Variants in UGT2B7 observed in about 807,000 individuals in gnomAD.
UGT2B7 encodes the protein UDP-glucuronosyltransferase 2B7.
A neutral mutation model predicts 51.9 loss-of-function variants in UGT2B7; 51 were observed. The ratio of observed to expected loss-of-function variants is 0.98; its 90% confidence interval spans 0.78 to 1.24. The LOEUF (loss-of-function observed/expected upper bound fraction) is 1.24. Among genes scored for constraint, UGT2B7 ranks in the 50% most tolerant of loss-of-function variants. The pLI, the probability that UGT2B7 is intolerant of heterozygous loss-of-function variation, is 0.00. For missense variants in UGT2B7, 727 were observed against 628.4 expected, an observed-to-expected ratio of 1.16 and a Z score of -1.68; for synonymous variants, 225 against 211.6, an observed-to-expected ratio of 1.06 and a Z score of -0.55.
intron 1 of UGT2B7, among the ~76,000 whole-genome samples, chr4:69,060,228 C>T (rs1322889767): frequency 6.6e-6 from 1 of 152,190 alleles, no homozygotes; most frequent in Non-Finnish European, 1.5e-5. Flanking sequence ...GAACAAGTCT[C>T]AAATCTGCTC....
chr4:69,081,650 G>A (rs1050907612), intron 1 of UGT2B7, among the ~76,000 whole-genome samples: 3 of 152,020 alleles, frequency 2.0e-5, no homozygotes, highest in Non-Finnish European at 2.9e-5. Flanking sequence ...CTCCTTCTGT[G>A]ATTTGTTTCC....
intron 1 of UGT2B7, among the ~76,000 whole-genome samples, chr4:69,068,111 C>T (rs1718521010): frequency 1.3e-5 from 2 of 151,996 alleles, no homozygotes; most frequent in South Asian, 2.1e-4. Context: ...TAAACATATT[C>T]ATGATCTCAT....
At chr4:69,090,609 C>G (rs1719064771) in intron 2 of UGT2B7, among the ~76,000 whole-genome samples, 1 of 152,108 alleles carries the variant, frequency 6.6e-6, no homozygotes, top group Non-Finnish European at 1.5e-5. Flanking sequence ...ATGGAAAAGA[C>G]TCATCCCCAT....
At chr4:69,083,325 G>A (rs189177672) in intron 1 of UGT2B7, among the ~76,000 whole-genome samples, 94 of 152,168 alleles carry the variant, frequency 6.2e-4, no homozygotes, top group Non-Finnish European at 1.2e-3. Flanking sequence ...ATTTTATAAT[G>A]CTATTGTTGT....
chr4:69,109,717 T>C (rs867402858), intron 5 of UGT2B7, among the ~76,000 whole-genome samples: 9 of 149,702 alleles, frequency 6.0e-5, no homozygotes, highest in Middle Eastern at 3.2e-3. Flanking sequence ...ACAAAAAATA[T>C]AATTTTAAGT....
In UGT2B7 at chr4:69,096,572, T is replaced by G. The variant is rs764911821; in HGVS notation, c.52T>G (p.Phe18Val). The change falls in exon 1 of 6, where the codon TTT becomes GTT. Residue 18 changes from phenylalanine (F) to valine (V), a missense_variant. Coordinates refer to ENST00000305231, the MANE Select transcript of UGT2B7 (RefSeq NM_001074.4). ...VILLIQLSFC[F>V]SSGNCGKVLV... Reference sequence around the variant, plus strand: ...TTTGCTAATACAACTGAGCTTTTGCTTTAGCTCTGGGAATTGTGGAAAGGT... The same window carrying G: ...TTTGCTAATACAACTGAGCTTTTGCGTTAGCTCTGGGAATTGTGGAAAGGT... 14 of 1,613,826 alleles carry G rather than the reference T, an allele frequency of 8.7e-6. No homozygotes were observed. The South Asian group carries it at 1.3e-4, about 15-fold the overall frequency.
intron 1 of UGT2B7, among the ~76,000 whole-genome samples, chr4:69,063,593 T>C (rs1282358818): frequency 1.3e-5 from 2 of 152,094 alleles, no homozygotes; most frequent in African/African-American, 2.4e-5. Flanking sequence ...AAGGATTATG[T>C]GGAAAGTTGA....
At chr4:69,061,340 A>G (rs1718342204) in intron 1 of UGT2B7, among the ~76,000 whole-genome samples, 1 of 152,220 alleles carries the variant, frequency 6.6e-6, no homozygotes, top group Admixed American at 6.5e-5. Context: ...TGGGCCCCCA[A>G]ACAGGTAGCA....
chr4:69,108,087 A>G lies in UGT2B7; in HGVS notation c.1091-16A>G. 6.2e-7 allele frequency: 1 copy of G among 1,612,650 alleles called. No individual in the cohort carries two copies. The highest frequency in any genetic ancestry group is 8.5e-7 in the Non-Finnish European group (1 of 1,179,196). On this transcript the variant is annotated splice_polypyrimidine_tract_variant and intron_variant, in intron 4 of 5. Transcript: ENST00000305231. ...TATTCCTATGAGTAATTTTGCTAAAATTCATCCAATCCTAGGTCATCCAAA... is the reference window on the plus strand; with the variant it reads ...TATTCCTATGAGTAATTTTGCTAAAGTTCATCCAATCCTAGGTCATCCAAA...
intron 1 of UGT2B7, among the ~76,000 whole-genome samples, chr4:69,069,306 C>T (rs1300849358): frequency 2.0e-5 from 3 of 151,964 alleles, no homozygotes; most frequent in Non-Finnish European, 4.4e-5. Flanking sequence ...TATTTTGAAA[C>T]TTGTATGCCA....
intron 1 of UGT2B7, among the ~76,000 whole-genome samples, chr4:69,065,203 G>A (rs1019154761): frequency 6.6e-6 from 1 of 152,042 alleles, no homozygotes; most frequent in Admixed American, 6.6e-5. Context: ...ATTTTTCAGA[G>A]GGCTATTTAG....
At chr4:69,082,647 A>G (rs973862683) in intron 1 of UGT2B7, among the ~76,000 whole-genome samples, 1 of 152,092 alleles carries the variant, frequency 6.6e-6, no homozygotes, top group Non-Finnish European at 1.5e-5. Context: ...GAAAGCTAGC[A>G]GACATTGGCT....
Position 69,112,841 on chromosome 4 carries a change from A to C in UGT2B7, c.*105A>C. ...AGATTTCTTTCTTCCTGAGACAAAA[A>C]AAAAAAAAGAAAAAAAAATCTTTTC... is the stretch of plus-strand genomic sequence containing the variant. On this transcript the variant is annotated 3_prime_UTR_variant, in exon 6 of 6. Transcript: ENST00000305231. 7.2e-7 allele frequency: 1 copy of C among 1,387,958 alleles called. No individual in the cohort carries two copies. Among genetic ancestry groups the C allele is most frequent in the Non-Finnish European group, 9.5e-7 (1 of 1,057,346 alleles). 86.0% of individuals were successfully genotyped at this position (1,387,958 alleles called of 1,614,324 possible). A position where few individuals can be genotyped will look rare whatever the true frequency, so the allele number is the denominator to read the frequency against.
intron 1 of UGT2B7, among the ~76,000 whole-genome samples, chr4:69,073,200 C>T (rs1434268384): frequency 6.6e-6 from 1 of 152,130 alleles, no homozygotes; most frequent in Non-Finnish European, 1.5e-5. Context: ...ATTCATACTC[C>T]CAACAAATCA....
chr4:69,054,347 G>A (rs1718126939), intron 1 of UGT2B7, among the ~76,000 whole-genome samples: 2 of 152,152 alleles, frequency 1.3e-5, no homozygotes, highest in Admixed American at 6.5e-5. Flanking sequence ...GGCCCTGGCA[G>A]CAATGGCCCT....
At chr4:69,076,663 T>G (rs184295424) in intron 1 of UGT2B7, among the ~76,000 whole-genome samples, 136 of 152,220 alleles carry the variant, frequency 8.9e-4, no homozygotes, top group African/African-American at 3.2e-3. Flanking sequence ...GTTTAAGTCC[T>G]TTGTAGATTC....
intron 3 of UGT2B7, among the ~76,000 whole-genome samples, chr4:69,105,040 T>C (rs148631099): frequency 7.2e-5 from 11 of 152,262 alleles, no homozygotes; most frequent in African/African-American, 2.6e-4. Context: ...CCTGCCCTGC[T>C]GGACTGCGCC....
At chr4:69,060,480 C>A (rs973742434) in intron 1 of UGT2B7, among the ~76,000 whole-genome samples, 1 of 152,176 alleles carries the variant, frequency 6.6e-6, no homozygotes, top group African/African-American at 2.4e-5. Flanking sequence ...AGGAGAAGGC[C>A]TTTAAGGAAA....
In UGT2B7 at chr4:69,063,103, A is replaced by C. The variant is rs545197335; in HGVS notation, c.-159+11501A>C. ...GGGAGGCCGAGGCGGGCGGATCACG[A>C]GGTCAGGAGATCGAGACCATCCCGG... On this transcript the variant is annotated intron_variant, in intron 1 of 5. Coordinates refer to the UGT2B7 transcript ENST00000502942. Among the ~76,000 whole-genome samples the C allele has an allele frequency of 3.9e-3, 585 of 151,794 alleles. 1 individual carries two copies. Among genetic ancestry groups the C allele is most frequent in the Middle Eastern group, 6.8e-3 (2 of 294 alleles).
Sources: gnomAD v4.1 joint callset for allele counts (sites outside exome capture counted in the v4.1 genomes callset) on GRCh38, gnomAD v4.1.1 for gene constraint, MANE v1.5 for transcripts, NCBI Gene and HGNC (gene_info 2026-07-23, HGNC 2026-07-21) for gene names.